Variants in PILRB observed in about 807,000 individuals in gnomAD.
The protein encoded by PILRB is paired immunoglobulin-like type 2 receptor beta.
In PILRB, 21 loss-of-function variants were observed where a neutral mutation model predicts 20.5. The ratio of observed to expected loss-of-function variants is 1.02; its 90% CI spans 0.72 to 1.47. The LOEUF (loss-of-function observed/expected upper bound fraction) is 1.47. Among genes scored for constraint, PILRB ranks in the 40% most tolerant of loss-of-function variants. PILRB has a pLI of 0.00. For synonymous variants in PILRB, 133 were observed against 115.1 expected (o/e 1.16, Z -0.99); for missense variants, 253 against 272.1 (o/e 0.93, Z 0.49).
intron 3 of PILRB, among the ~76,000 whole-genome samples, chr7:100,366,807 T>C (rs1375562140): frequency 1.3e-5 from 2 of 151,568 alleles, no homozygotes; most frequent in African/African-American, 4.9e-5. Flanking sequence ...GGGAGCCAGG[T>C]TGGGGCTGAG....
In PILRB at chr7:100,367,394, A is replaced by G; in HGVS notation, c.*17A>G. 1 of 780,990 alleles carries G rather than the reference A, an allele frequency of 1.3e-6. No homozygotes were observed. Among genetic ancestry groups the G allele is most frequent in the Middle Eastern group, 2.3e-4 (1 of 4,438 alleles). The allele number at this position is 780,990 out of a possible 1,614,324, so 48.4% of individuals were successfully genotyped here. ...GACTTCTGACCAACAGAGTGTGGGG[A>G]GAAGGGATGTGTATTAGCCCCGGAG... is the stretch of plus-strand genomic sequence containing the variant. On this transcript the variant is annotated 3_prime_UTR_variant, in exon 4 of 4. Transcript: ENST00000609309.
intron 3 of PILRB, among the ~76,000 whole-genome samples, chr7:100,365,519 T>C (rs1299886994): frequency 6.6e-6 from 1 of 152,024 alleles, no homozygotes; most frequent in East Asian, 1.9e-4. Context: ...TTAAAGAACA[T>C]AGAATTTCAG....
chr7:100,360,968 T>G (rs1254608763), intron 3 of PILRB, among the ~76,000 whole-genome samples: 1 of 152,080 alleles, frequency 6.6e-6, no homozygotes, highest in African/African-American at 2.4e-5. Context: ...CAGAGTTTTG[T>G]TCTGTCGCCC....
At chr7:100,365,984 C>A (rs1408083955) in intron 3 of PILRB, among the ~76,000 whole-genome samples, 1 of 137,810 alleles carries the variant, frequency 7.3e-6, no homozygotes, top group African/African-American at 2.7e-5. Context: ...GACAGAGTCT[C>A]GCTTTGTCAC....
chr7:100,363,763 A>T (rs1231049299), intron 3 of PILRB, among the ~76,000 whole-genome samples: 1 of 152,222 alleles, frequency 6.6e-6, no homozygotes, highest in Non-Finnish European at 1.5e-5. Context: ...GCATTCCCTG[A>T]TTTCAAAATG....
At chr7:100,359,263 G>A in intron 2 of PILRB, 74 bp from the exon 3 acceptor site, 2 of 1,549,662 alleles carry the variant, frequency 1.3e-6, no homozygotes, top group Non-Finnish European at 1.8e-6. Context: ...AATCTAGAAA[G>A]CAGCACACCA....
intron 3 of PILRB, among the ~76,000 whole-genome samples, chr7:100,363,212 A>G (rs1440558696): frequency 1.3e-5 from 2 of 152,124 alleles, no homozygotes; most frequent in Admixed American, 6.5e-5. Context: ...AAAGGCATCT[A>G]ATTTGAAAAG....
At position 100,362,961 on chromosome 7, in the gene PILRB, G is replaced by A. The variant is rs60274160; in HGVS notation, c.655+3424G>A. On this transcript the variant is annotated intron_variant, in intron 3 of 3. Coordinates refer to ENST00000609309, the MANE Select transcript of PILRB (RefSeq NM_178238.4). ...TCTTTGCCTCCAAGATCAGGAATAA[G>A]AGAAGGATGCCCGATCTCACTACTT... Among the ~76,000 whole-genome samples the A allele has an allele frequency of 9.0e-3, 1,363 of 152,116 alleles. 98 individuals carry two copies. The East Asian group carries it at 0.16, about 18-fold the overall frequency.
chr7:100,358,875 A>G lies in PILRB; in HGVS notation c.250A>G (p.Thr84Ala). Residue 84 changes from threonine (T) to alanine (A), a missense_variant, in exon 2 of 4, where the codon ACA becomes GCA. Thr to Ala is a moderately conservative substitution (Grantham distance 58). Coordinates refer to ENST00000609309, the MANE Select transcript of PILRB (RefSeq NM_178238.4). ...GHFHGQSFYS[T>A]RPPSIHKDYV... Reference sequence around the variant, plus strand: ...CTTCCACGGGCAGTCCTTCTACAGCACAAGGCCGCCTTCCATTCACAAGGA... The same window carrying G: ...CTTCCACGGGCAGTCCTTCTACAGCGCAAGGCCGCCTTCCATTCACAAGGA... 1.2e-6 allele frequency: 2 copies of G among 1,614,170 alleles called. No individual in the cohort carries two copies. The highest frequency in any genetic ancestry group is 1.1e-5 in the South Asian group (1 of 91,088).
At chr7:100,363,679 C>T (rs1443057319) in intron 3 of PILRB, among the ~76,000 whole-genome samples, 1 of 152,174 alleles carries the variant, frequency 6.6e-6, no homozygotes, top group Non-Finnish European at 1.5e-5. Flanking sequence ...AAAATTCATC[C>T]TGAAATTCAA....
chr7:100,366,072 G>T (rs1790675959), intron 3 of PILRB, among the ~76,000 whole-genome samples: 1 of 150,078 alleles, frequency 6.7e-6, no homozygotes, highest in Non-Finnish European at 1.5e-5. Flanking sequence ...TTCTGCATCA[G>T]CCTCCTGAGT....
rs547727291 is a variant in PILRB, at chr7:100,363,608, A to C, written c.656-3741A>C. On this transcript the variant is annotated intron_variant, in intron 3 of 3. Coordinates refer to ENST00000609309, the MANE Select transcript of PILRB (RefSeq NM_178238.4). ...TCAAGGTGTCCATGCCACCAACAAC[A>C]ATCTCCAGATCCAATGCAAATCCTA... Among the ~76,000 whole-genome samples, 18 of 152,310 alleles carry C rather than the reference A, an allele frequency of 1.2e-4. No individual in the cohort carries two copies. The South Asian group carries it at 3.7e-3, about 32-fold the overall frequency.
intron 3 of PILRB, among the ~76,000 whole-genome samples, chr7:100,361,481 C>T (rs1790525413): frequency 6.6e-6 from 1 of 152,154 alleles, no homozygotes; most frequent in East Asian, 1.9e-4. Flanking sequence ...CACCTGAGGT[C>T]AGGCGTTCAA....
intron 3 of PILRB, among the ~76,000 whole-genome samples, chr7:100,360,559 A>AAGAGG (rs1307851544): frequency 2.0e-5 from 3 of 152,092 alleles, no homozygotes; most frequent in Non-Finnish European, 4.4e-5. Flanking sequence ...GAGAGGAGAG[A>AAGAGG]AGAGGAGATG....
At chr7:100,364,175 CATAG>C (rs969830743) in intron 3 of PILRB, among the ~76,000 whole-genome samples, 17 of 151,556 alleles carry the variant, frequency 1.1e-4, no homozygotes, top group African/African-American at 2.2e-4. Flanking sequence ...TAAACCCTCA[CATAG>C]ATAGTCAAAT....
intron 1 of PILRB, 151 bp from the exon 2 acceptor site, chr7:100,358,539 C>T: frequency 4.9e-6 from 6 of 1,234,516 alleles, no homozygotes; most frequent in Non-Finnish European, 6.8e-6. Context: ...TCCCCCATGC[C>T]TGAAGAGTGG....
chr7:100,360,094 C>G (rs908250135), intron 3 of PILRB, among the ~76,000 whole-genome samples: 3 of 152,196 alleles, frequency 2.0e-5, no homozygotes, highest in African/African-American at 7.2e-5. Context: ...ACTTCTCTCT[C>G]AGTCATCAAT....
At position 100,359,080 on chromosome 7, in the gene PILRB, G is replaced by A; in HGVS notation, c.454+1G>A. 1 of 1,614,046 alleles carries A rather than the reference G, an allele frequency of 6.2e-7. No homozygotes were observed. The highest frequency in any genetic ancestry group is 8.5e-7 in the Non-Finnish European group (1 of 1,180,022). On this transcript the variant is annotated splice_donor_variant, in intron 2 of 3. Coordinates refer to ENST00000609309, the MANE Select transcript of PILRB (RefSeq NM_178238.4). LOFTEE classifies it high-confidence loss of function. ...GGGACCAAACTCACCATCACCCAGG[G>A]TGAGTCCAGCTGCCCTGACACCTGC...
chr7:100,360,300 A>G (rs1038538252), intron 3 of PILRB, among the ~76,000 whole-genome samples: 41 of 152,312 alleles, frequency 2.7e-4, no homozygotes, highest in East Asian at 1.9e-4. Flanking sequence ...GGGGGTGTGG[A>G]GTTGTCAGTT....
Sources: gnomAD v4.1 joint callset for allele counts (sites outside exome capture counted in the v4.1 genomes callset) on GRCh38, gnomAD v4.1.1 for gene constraint, MANE v1.5 for transcripts, NCBI Gene and HGNC (gene_info 2026-07-23, HGNC 2026-07-21) for gene names.